Variants in GNB4 observed in about 807,000 individuals in gnomAD.
GNB4 encodes G protein subunit beta 4.
GNB4 carries 28 observed loss-of-function variants against 45.2 expected under a neutral mutation model. The observed-to-expected ratio is 0.62, with a 90% CI of 0.46 to 0.85. The LOEUF is 0.85. GNB4 is among the 40% of genes least tolerant of loss of function. The probability of loss-of-function intolerance (pLI) is 0.00; values close to 1 mark genes in which losing one functional copy is unlikely to be tolerated. For synonymous variants in GNB4, 132 were observed against 143.7 expected (o/e 0.92, Z 0.58); for missense variants, 321 against 425.4 (o/e 0.75, Z 2.16).
chr3:179,466,007 G>GTTT, the GNB4 span, among the ~76,000 whole-genome samples: 10 of 90,904 alleles, frequency 1.1e-4, no homozygotes, highest in Non-Finnish European at 1.3e-4. Flanking sequence ...TCCTCTAGTC[G>GTTT]TTTTTTTTTT....
chr3:179,490,287 ACATG>A, the GNB4 span, among the ~76,000 whole-genome samples: 2 of 152,354 alleles, frequency 1.3e-5, no homozygotes, highest in South Asian at 4.1e-4. Flanking sequence ...TACAATCAAA[ACATG>A]CAGCCAGGTC....
At chr3:179,406,706 GGGT>G (rs1419512991) in intron 8 of GNB4, among the ~76,000 whole-genome samples, 1 of 152,092 alleles carries the variant, frequency 6.6e-6, no homozygotes, top group African/African-American at 2.4e-5. Flanking sequence ...TCTGCCTCCT[GGGT>G]TCAAGTGCTT....
intron 8 of GNB4, chr3:179,410,666 T>C (rs1714625996): frequency 6.6e-6 from 1 of 152,154 alleles, no homozygotes; most frequent in African/African-American, 2.4e-5. Flanking sequence ...TTTAACCAAT[T>C]ATATCTGGAC....
At chr3:179,464,967 C>G in the GNB4 span, 1 of 1,546,384 alleles carries the variant, frequency 6.5e-7, no homozygotes, top group Non-Finnish European at 8.9e-7. Context: ...GTTGAAATGC[C>G]CATTGCAATG....
intron 8 of GNB4, chr3:179,410,674 G>A (rs1714626250): frequency 6.6e-6 from 1 of 152,054 alleles, no homozygotes; most frequent in Non-Finnish European, 1.5e-5. Flanking sequence ...ATTATATCTG[G>A]ACCAACCTTA....
the GNB4 span, among the ~76,000 whole-genome samples, chr3:179,525,967 G>A: frequency 6.6e-6 from 1 of 152,312 alleles, no homozygotes; most frequent in Non-Finnish European, 1.5e-5. Context: ...AATGTCACAC[G>A]CGTCTGTGTG....
chr3:179,412,623 G>C (rs1231634953), intron 8 of GNB4, among the ~76,000 whole-genome samples: 3 of 152,186 alleles, frequency 2.0e-5, no homozygotes, highest in African/African-American at 7.2e-5. Context: ...GAAGCAGCAT[G>C]ACTAGTTTCA....
intron 4 of GNB4, among the ~76,000 whole-genome samples, chr3:179,417,409 ATT>A (rs35958397): frequency 1.5e-3 from 217 of 143,312 alleles, no homozygotes; most frequent in Non-Finnish European, 2.4e-3. Context: ...TTTTGTTTGG[ATT>A]TTTTTTTTTT....
the GNB4 span, among the ~76,000 whole-genome samples, chr3:179,514,872 A>T: frequency 6.6e-6 from 1 of 152,238 alleles, no homozygotes; most frequent in East Asian, 1.9e-4. Context: ...GAAGACTAAT[A>T]CACAACTTAC....
the GNB4 span, among the ~76,000 whole-genome samples, chr3:179,513,407 C>G: frequency 6.6e-6 from 1 of 152,046 alleles, no homozygotes; most frequent in East Asian, 1.9e-4. Context: ...TGGTCTCAAC[C>G]TCCTGGGCTC....
chr3:179,402,360 G>A (rs982509878), intron 9 of GNB4, among the ~76,000 whole-genome samples: 10 of 152,108 alleles, frequency 6.6e-5, no homozygotes, highest in Admixed American at 3.9e-4. Flanking sequence ...ATTTTGTTAT[G>A]GATACTAATT....
At chr3:179,415,081 C>CA (rs1204212739) in intron 5 of GNB4, 34 bp from the exon 6 acceptor site, 1 of 1,491,724 alleles carries the variant, frequency 6.7e-7, no homozygotes, top group Admixed American at 1.9e-5. Flanking sequence ...ACTCAGATTA[C>CA]AAAAACAGTC....
At chr3:179,508,189 G>A in the GNB4 span, among the ~76,000 whole-genome samples, 45 of 152,160 alleles carry the variant, frequency 3.0e-4, no homozygotes, top group Admixed American at 2.6e-3. Context: ...TTCTCATTAT[G>A]TTGTCCAGGC....
chr3:179,485,825 A>G, the GNB4 span, among the ~76,000 whole-genome samples: 1 of 152,164 alleles, frequency 6.6e-6, no homozygotes, highest in Non-Finnish European at 1.5e-5. Flanking sequence ...CTGTAGTCGC[A>G]GCTACTCAGG....
the GNB4 span, among the ~76,000 whole-genome samples, chr3:179,510,017 A>G: frequency 1.3e-5 from 2 of 152,010 alleles, no homozygotes; most frequent in African/African-American, 2.4e-5. Flanking sequence ...TTTTTTTAAG[A>G]CAGGGTCTCA....
chr3:179,426,861 C>G (rs1295784003), intron 1 of GNB4, among the ~76,000 whole-genome samples: 2 of 152,184 alleles, frequency 1.3e-5, no homozygotes, highest in Non-Finnish European at 2.9e-5. Context: ...CCCTCGACCA[C>G]TCTCTGGTCT....
intron 2 of GNB4, among the ~76,000 whole-genome samples, chr3:179,422,077 G>C (rs1314097912): frequency 1.3e-5 from 2 of 152,090 alleles, no homozygotes; most frequent in African/African-American, 4.8e-5. Flanking sequence ...CTATGTGTCA[G>C]GCACTATTCT....
At chr3:179,526,578 A>G in the GNB4 span, among the ~76,000 whole-genome samples, 3 of 152,218 alleles carry the variant, frequency 2.0e-5, no homozygotes, top group Non-Finnish European at 4.4e-5. Flanking sequence ...CTGGAAGGCC[A>G]CCCTGAGTGG....
the GNB4 span, among the ~76,000 whole-genome samples, chr3:179,480,622 A>G: frequency 2.3e-4 from 35 of 152,166 alleles, no homozygotes; most frequent in African/African-American, 7.5e-4. Context: ...ACTACTTGAT[A>G]CTGTCATCAA....
Sources: gnomAD v4.1 joint callset for allele counts (sites outside exome capture counted in the v4.1 genomes callset) on GRCh38, gnomAD v4.1.1 for gene constraint, MANE v1.5 for transcripts, NCBI Gene and HGNC (gene_info 2026-07-23, HGNC 2026-07-21) for gene names.